MRTFB: variants seen among roughly 807,000 people sequenced by gnomAD.
MRTFB encodes the protein myocardin related transcription factor B, also known as myocardin-related transcription factor B.
In MRTFB, 29 loss-of-function variants were observed where a neutral mutation model predicts 104.2. The observed-to-expected ratio is 0.28, with a 90% CI of 0.21 to 0.38. The LOEUF is 0.38. Ranked by LOEUF, MRTFB falls within the 10% of genes least tolerant of loss-of-function variation. The probability of loss-of-function intolerance (pLI) is 1.00; values close to 1 mark genes in which losing one functional copy is unlikely to be tolerated. For missense variants in MRTFB, 1,270 were observed against 1,341.6 expected, an observed-to-expected ratio of 0.95 and a Z score of 0.83; for synonymous variants, 535 against 519.5, an observed-to-expected ratio of 1.03 and a Z score of -0.41.
upstream of MRTFB, among the ~76,000 whole-genome samples, chr16:14,070,436 C>A (rs1018535746): frequency 5.3e-5 from 8 of 152,218 alleles, no homozygotes; most frequent in African/African-American, 1.9e-4. Flanking sequence ...CATGTACATT[C>A]TGATTCTCTG....
At chr16:14,004,179 C>T in the MRTFB span, among the ~76,000 whole-genome samples, 1 of 152,178 alleles carries the variant, frequency 6.6e-6, no homozygotes, top group African/African-American at 2.4e-5. Context: ...TCTGTAGGAC[C>T]TTCATCCAGT....
rs138006965 is a variant in MRTFB, at chr16:14,217,574, G to A, written c.514+287G>A. On this transcript the variant is annotated intron_variant, in intron 7 of 16. Coordinates refer to ENST00000571589, the MANE Select transcript of MRTFB (RefSeq NM_001308142.2). ...TTTAGGACTGCATGGAATCATGGTT[G>A]ATTGTACTGCTTACAGTTCTTGACT... is the stretch of plus-strand genomic sequence containing the variant. Among the ~76,000 whole-genome samples the A allele has an allele frequency of 2.9e-3, 444 of 152,280 alleles. 1 individual carries two copies. Among genetic ancestry groups the A allele is most frequent in the African/African-American group, 0.01 (425 of 41,566 alleles).
At chr16:14,131,336 T>C (rs1406566631) in intron 2 of MRTFB, among the ~76,000 whole-genome samples, 1 of 152,216 alleles carries the variant, frequency 6.6e-6, no homozygotes, top group Non-Finnish European at 1.5e-5. Context: ...TTTTAGCTAA[T>C]TTAGGATAGC....
chr16:14,167,976 C>T (rs997132770), intron 3 of MRTFB, among the ~76,000 whole-genome samples: 65 of 152,288 alleles, frequency 4.3e-4, no homozygotes, highest in African/African-American at 1.3e-3. Flanking sequence ...CGTGAGCCAC[C>T]GCGCCCGGCC....
chr16:14,215,454 A>G (rs1440350694), intron 6 of MRTFB, among the ~76,000 whole-genome samples: 1 of 152,180 alleles, frequency 6.6e-6, no homozygotes, highest in Non-Finnish European at 1.5e-5. Flanking sequence ...AGTCATGGAG[A>G]TAGAGGAATA....
At position 14,247,095 on chromosome 16, in the gene MRTFB, G is replaced by A. The variant is rs566087430; in HGVS notation, c.1835G>A (p.Arg612Gln). ...LEVEKRGQQQ[R>Q]PLEAQPSAPG... The stretch of plus-strand genomic sequence containing the variant: ...GTTGAAAAACGAGGGCAGCAGCAGC[G>A]GCCCCTGGAAGCCCAGCCCAGTGCC... Residue 612 changes from arginine (R) to glutamine (Q), a missense_variant, in exon 12 of 17, where the codon CGG becomes CAG. By Grantham distance (43) the Arg-to-Gln change is conservative. Transcript: ENST00000571589. 43 of 1,614,158 alleles carry A rather than the reference G, an allele frequency of 2.7e-5. No individual in the cohort carries two copies. The highest frequency in any genetic ancestry group is 3.3e-5 in the South Asian group (3 of 91,080).
chr16:14,130,873 A>T (rs933181378), intron 2 of MRTFB, among the ~76,000 whole-genome samples: 1 of 152,134 alleles, frequency 6.6e-6, no homozygotes, highest in Non-Finnish European at 1.5e-5. Context: ...AGGGAAAAAC[A>T]CCTTATAAAA....
chr16:14,169,708 A>T (rs1055364927), intron 3 of MRTFB, among the ~76,000 whole-genome samples: 2 of 152,192 alleles, frequency 1.3e-5, no homozygotes, highest in Non-Finnish European at 2.9e-5. Context: ...GTTACTATGA[A>T]GAGACAGTTT....
chr16:14,083,654 G>A (rs924593187), intron 2 of MRTFB, among the ~76,000 whole-genome samples: 5 of 152,172 alleles, frequency 3.3e-5, no homozygotes, highest in African/African-American at 9.7e-5. Context: ...AGTGGGTGAC[G>A]CGGGTAATGT....
At chr16:14,168,879 C>T (rs2039333869) in intron 3 of MRTFB, among the ~76,000 whole-genome samples, 1 of 152,138 alleles carries the variant, frequency 6.6e-6, no homozygotes, top group Non-Finnish European at 1.5e-5. Context: ...TAGTCTTCTC[C>T]ATTTTAACCA....
intron 2 of MRTFB, among the ~76,000 whole-genome samples, chr16:14,121,538 C>T (rs1462469447): frequency 6.6e-6 from 1 of 152,134 alleles, no homozygotes; most frequent in Non-Finnish European, 1.5e-5. Context: ...AGAAAATTGA[C>T]TACTACTTAG....
chr16:14,043,971 G>A, the MRTFB span, among the ~76,000 whole-genome samples: 1,729 of 151,902 alleles, frequency 0.011, 36 homozygotes, highest in African/African-American at 0.04. Context: ...GGAGTATCAC[G>A]GAAGTCTTCC....
At chr16:14,233,592 C>T (rs953020068) in intron 8 of MRTFB, among the ~76,000 whole-genome samples, 1 of 151,952 alleles carries the variant, frequency 6.6e-6, no homozygotes, top group African/African-American at 2.4e-5. Flanking sequence ...GTTCAAGACC[C>T]AGCCTGGCCA....
intron 8 of MRTFB, among the ~76,000 whole-genome samples, chr16:14,226,209 C>G (rs928455973): frequency 6.6e-6 from 1 of 152,054 alleles, no homozygotes; most frequent in Admixed American, 6.5e-5. Flanking sequence ...TTGATTTTTG[C>G]AGAAATAGAA....
intron 2 of MRTFB, among the ~76,000 whole-genome samples, chr16:14,121,962 G>A (rs369554799): frequency 1.3e-5 from 2 of 152,140 alleles, no homozygotes; most frequent in South Asian, 4.1e-4. Context: ...AGAGATAGCC[G>A]GTTGGGTGTG....
rs71757134 is a variant in MRTFB, at chr16:14,184,072, T to TAAAAAA, written c.155-26154_155-26149dup. On this transcript the variant is annotated intron_variant, in intron 3 of 16. Transcript: ENST00000571589. ...GATTTAAAAGCAACATCCTGAAATT[T>TAAAAAA]AAAAAAAAAAAAAAAAAAAAAAGTT... is the stretch of plus-strand genomic sequence containing the variant. Among the ~76,000 whole-genome samples the TAAAAAA allele has an allele frequency of 3.3e-5, 4 of 121,764 alleles. No individual in the cohort carries two copies. The South Asian group carries it at 8.5e-4, about 26-fold the overall frequency. The allele number at this position is 121,764 out of a possible 152,430, so 79.9% of individuals were successfully genotyped here.
the MRTFB span, among the ~76,000 whole-genome samples, chr16:13,995,023 C>CTT: frequency 0.012 from 1,765 of 149,030 alleles, 37 homozygotes; most frequent in African/African-American, 0.041. Flanking sequence ...TATTTATTTA[C>CTT]TTTTTTTTTT....
intron 3 of MRTFB, among the ~76,000 whole-genome samples, chr16:14,209,176 T>A (rs1189303273): frequency 6.6e-6 from 1 of 152,208 alleles, no homozygotes; most frequent in Non-Finnish European, 1.5e-5. Flanking sequence ...CAAGGTTTTA[T>A]TGCAAGGAGG....
the MRTFB span, among the ~76,000 whole-genome samples, chr16:14,017,667 TTG>T: frequency 4.1e-5 from 2 of 49,308 alleles, no homozygotes; most frequent in South Asian, 7.8e-4. Context: ...GTGTGTGTAT[TTG>T]TGTGTGTGTG....
Sources: gnomAD v4.1 joint callset for allele counts (sites outside exome capture counted in the v4.1 genomes callset) on GRCh38, gnomAD v4.1.1 for gene constraint, MANE v1.5 for transcripts, NCBI Gene and HGNC (gene_info 2026-07-23, HGNC 2026-07-21) for gene names.